DPYD: variants seen among roughly 807,000 people sequenced by gnomAD.
The protein encoded by DPYD is dihydropyrimidine dehydrogenase [NADP(+)].
A neutral mutation model predicts 116.2 loss-of-function variants in DPYD; 109 were observed. The ratio of observed to expected loss-of-function variants is 0.94; its 90% confidence interval spans 0.80 to 1.10. The LOEUF (loss-of-function observed/expected upper bound fraction) is 1.10, where lower values mean the gene tolerates loss of function less well. Ranked by LOEUF, DPYD falls within the 50% of genes least tolerant of loss-of-function variation. DPYD has a pLI of 0.00. For missense variants in DPYD, 1,302 were observed against 1,254.5 expected, an observed-to-expected ratio of 1.04 and a Z score of -0.57; for synonymous variants, 440 against 432.0, an observed-to-expected ratio of 1.02 and a Z score of -0.23.
At chr1:97,754,118 G>A (rs1041315263) in intron 3 of DPYD, among the ~76,000 whole-genome samples, 1 of 152,068 alleles carries the variant, frequency 6.6e-6, no homozygotes, top group Non-Finnish European at 1.5e-5. Context: ...GAATATGGGT[G>A]AAAAACAGAT....
intron 13 of DPYD, among the ~76,000 whole-genome samples, chr1:97,511,898 A>T (rs970718161): frequency 2.0e-5 from 3 of 151,948 alleles, no homozygotes; most frequent in African/African-American, 7.2e-5. Flanking sequence ...GTCTTAAACC[A>T]CAATCTATAC....
At chr1:97,860,914 GACA>G (rs934345993) in intron 2 of DPYD, among the ~76,000 whole-genome samples, 1 of 151,970 alleles carries the variant, frequency 6.6e-6, no homozygotes, top group African/African-American at 2.4e-5. Flanking sequence ...AAGAGATCAG[GACA>G]ACATTTTTTA....
chr1:97,418,716 T>G (rs976080381), intron 14 of DPYD, among the ~76,000 whole-genome samples: 1 of 152,058 alleles, frequency 6.6e-6, no homozygotes. Flanking sequence ...TAGAACATAA[T>G]GAAAACCTTC....
chr1:97,211,985 T>A (rs528012223), intron 19 of DPYD, among the ~76,000 whole-genome samples: 1 of 152,272 alleles, frequency 6.6e-6, no homozygotes, highest in South Asian at 2.1e-4. Context: ...CCAATTCAGA[T>A]TTCAAAATTC....
chr1:97,254,455 T>C (rs192832613), intron 18 of DPYD, among the ~76,000 whole-genome samples: 2 of 152,188 alleles, frequency 1.3e-5, no homozygotes, highest in East Asian at 3.9e-4. Flanking sequence ...AAAAAAAAAC[T>C]GTATTTAACC....
intron 1 of DPYD, among the ~76,000 whole-genome samples, chr1:97,920,523 G>A (rs1306630519): frequency 1.3e-5 from 2 of 152,196 alleles, no homozygotes; most frequent in Non-Finnish European, 2.9e-5. Flanking sequence ...GGGGTAGAAC[G>A]TGTGGGAAAT....
At chr1:97,862,640 C>T (rs1403083758) in intron 2 of DPYD, among the ~76,000 whole-genome samples, 1 of 151,816 alleles carries the variant, frequency 6.6e-6, no homozygotes, top group Admixed American at 6.6e-5. Context: ...ATGACTTGTT[C>T]AAACAGAGAC....
chr1:97,307,380 G>T (rs762878571), intron 16 of DPYD, among the ~76,000 whole-genome samples: 1 of 151,562 alleles, frequency 6.6e-6, no homozygotes, highest in African/African-American at 2.4e-5. Context: ...TTGTATGTAA[G>T]AAAGTTGCTC....
At chr1:97,362,371 T>C (rs1670781791) in intron 16 of DPYD, among the ~76,000 whole-genome samples, 1 of 152,178 alleles carries the variant, frequency 6.6e-6, no homozygotes, top group Non-Finnish European at 1.5e-5. Context: ...AAAATGGCCA[T>C]ACTGCCCAAG....
intron 7 of DPYD, among the ~76,000 whole-genome samples, chr1:97,690,537 C>T (rs1277911512): frequency 1.3e-5 from 2 of 151,946 alleles, no homozygotes; most frequent in Admixed American, 1.3e-4. Context: ...TCACCTCAAA[C>T]ATTTCCCATG....
chr1:97,608,208 A>G (rs1360188805), intron 8 of DPYD, among the ~76,000 whole-genome samples: 2 of 152,012 alleles, frequency 1.3e-5, no homozygotes, highest in African/African-American at 4.8e-5. Context: ...AGAAGTAAAA[A>G]TTAAGTCAGT....
chr1:97,436,465 A>G (rs1675477571), intron 14 of DPYD, among the ~76,000 whole-genome samples: 1 of 151,820 alleles, frequency 6.6e-6, no homozygotes, highest in Admixed American at 6.6e-5. Context: ...CATCATTGCC[A>G]TCCCCAGGGT....
chr1:97,223,461 A>G (rs529046321), intron 19 of DPYD, among the ~76,000 whole-genome samples: 2 of 151,932 alleles, frequency 1.3e-5, no homozygotes, highest in Non-Finnish European at 2.9e-5. Flanking sequence ...GGCACAGGTC[A>G]TAATTGTTTG....
intron 10 of DPYD, among the ~76,000 whole-genome samples, chr1:97,582,953 A>AGG (rs1653795610): frequency 6.6e-6 from 1 of 151,890 alleles, no homozygotes; most frequent in Non-Finnish European, 1.5e-5. Flanking sequence ...TAACAAGTAA[A>AGG]GGGTTGATTT....
At chr1:97,592,196 C>T (rs1295127799) in intron 10 of DPYD, among the ~76,000 whole-genome samples, 1 of 152,112 alleles carries the variant, frequency 6.6e-6, no homozygotes, top group Admixed American at 6.6e-5. Flanking sequence ...AGTAATTTAT[C>T]TTTCTATAAA....
In DPYD at chr1:97,620,705, G is replaced by A. The variant is rs193289323; in HGVS notation, c.851-25539C>T. 9.9e-4 allele frequency among the ~76,000 whole-genome samples: 151 copies of A among 152,064 alleles called. No homozygotes were observed. In the Middle Eastern group the frequency reaches 0.024, roughly 24 times the overall value. On this transcript the variant is annotated intron_variant, in intron 8 of 22. Transcript: ENST00000370192. ...GTTCATAATTTTATAAATTCTATTC[G>A]TATATGCTCTTTCATTCTTCACTGT... is the stretch of plus-strand genomic sequence containing the variant.
intron 8 of DPYD, among the ~76,000 whole-genome samples, chr1:97,650,985 C>A (rs1209425369): frequency 6.6e-6 from 1 of 152,058 alleles, no homozygotes; most frequent in Non-Finnish European, 1.5e-5. Context: ...ATAGATTATT[C>A]AAATGTCTAG....
chr1:97,625,188 T>C (rs1251621126), intron 8 of DPYD, among the ~76,000 whole-genome samples: 1 of 152,080 alleles, frequency 6.6e-6, no homozygotes, highest in Non-Finnish European at 1.5e-5. Context: ...CACATACTAT[T>C]TGCAATATTA....
intron 3 of DPYD, among the ~76,000 whole-genome samples, chr1:97,757,212 A>G (rs919130495): frequency 1.3e-5 from 2 of 152,224 alleles, no homozygotes; most frequent in African/African-American, 4.8e-5. Flanking sequence ...TAAACAAGTG[A>G]ACAAACAAAC....
Sources: allele counts gnomAD v4.1 joint callset (sites outside exome capture counted in the v4.1 genomes callset), GRCh38; gene constraint gnomAD v4.1.1; transcripts MANE v1.5; gene names NCBI Gene and HGNC (gene_info 2026-07-23, HGNC 2026-07-21).